Variants in PDGFC observed in about 807,000 individuals in gnomAD.
The protein encoded by PDGFC is platelet-derived growth factor C.
In PDGFC, 12 loss-of-function variants were observed where a neutral mutation model predicts 35.5. That is an observed-to-expected ratio of 0.34 (90% CI 0.22 to 0.55). PDGFC has a LOEUF of 0.55. Ranked by LOEUF, PDGFC falls within the 20% of genes least tolerant of loss-of-function variation. PDGFC has a pLI of 0.91. For missense variants in PDGFC, 322 were observed against 412.4 expected, an observed-to-expected ratio of 0.78 and a Z score of 1.90; for synonymous variants, 159 against 148.8, an observed-to-expected ratio of 1.07 and a Z score of -0.50.
chr4:156,873,811 T>C (rs1377218286), intron 1 of PDGFC: 1 of 152,222 alleles, frequency 6.6e-6, no homozygotes, highest in African/African-American at 2.4e-5. Context: ...GCTGGAAGAA[T>C]TGAATTGACA....
At chr4:156,790,240 A>G (rs1731257556) in intron 3 of PDGFC, among the ~76,000 whole-genome samples, 1 of 152,236 alleles carries the variant, frequency 6.6e-6, no homozygotes, top group Admixed American at 6.5e-5. Flanking sequence ...GTATCTTAAA[A>G]CATAATAAGC....
intron 1 of PDGFC, among the ~76,000 whole-genome samples, chr4:156,964,899 T>C (rs918097072): frequency 6.6e-6 from 1 of 152,142 alleles, no homozygotes; most frequent in Non-Finnish European, 1.5e-5. Flanking sequence ...AGGTAAAATA[T>C]AGAAAGTACA....
chr4:156,853,438 G>A (rs1047346075), intron 1 of PDGFC, among the ~76,000 whole-genome samples: 3 of 152,126 alleles, frequency 2.0e-5, no homozygotes, highest in African/African-American at 7.2e-5. Context: ...ATAACTGAAT[G>A]CTACCAATCT....
chr4:156,884,174 C>T (rs1013564028), intron 1 of PDGFC, among the ~76,000 whole-genome samples: 2 of 152,156 alleles, frequency 1.3e-5, no homozygotes, highest in Non-Finnish European at 2.9e-5. Flanking sequence ...GAGTTGGTGC[C>T]TTCTTTTCCT....
intron 3 of PDGFC, among the ~76,000 whole-genome samples, chr4:156,803,617 C>T (rs1235367336): frequency 6.6e-6 from 1 of 152,018 alleles, no homozygotes; most frequent in Admixed American, 6.6e-5. Context: ...GAAGTGCCTG[C>T]CTACAAAGGG....
intron 1 of PDGFC, among the ~76,000 whole-genome samples, chr4:156,942,621 A>T (rs1045521902): frequency 2.0e-5 from 3 of 150,768 alleles, no homozygotes; most frequent in Admixed American, 2.0e-4. Flanking sequence ...CAAATCACCA[A>T]GACCTAAAAC....
intron 1 of PDGFC, among the ~76,000 whole-genome samples, chr4:156,871,729 A>G (rs916018740): frequency 2.0e-5 from 3 of 152,118 alleles, no homozygotes; most frequent in Admixed American, 2.0e-4. Flanking sequence ...ATTAAAAACT[A>G]TTTTAAAAAC....
At chr4:156,786,029 C>CG (rs1731115396) in intron 3 of PDGFC, among the ~76,000 whole-genome samples, 1 of 152,066 alleles carries the variant, frequency 6.6e-6, no homozygotes, top group Non-Finnish European at 1.5e-5. Flanking sequence ...ATTTCAGATA[C>CG]GGTACTGTGA....
chr4:156,828,844 A>C (rs1298081814), intron 2 of PDGFC, among the ~76,000 whole-genome samples: 1 of 152,142 alleles, frequency 6.6e-6, no homozygotes, highest in African/African-American at 2.4e-5. Context: ...AAACAACATA[A>C]AAATATCCAA....
rs765407120 is a variant in PDGFC, at chr4:156,850,327, T to C, written c.208A>G (p.Asn70Asp). ...ACTAATCTCCATACCAAGACCGTAT[T>C]TCTTGGATAAGTATGAGGAAACCTT... is the stretch of plus-strand genomic sequence containing the variant. Reference protein sequence around the residue: ...SPRFPHTYPRNTVLVWRLVAV... With the variant: ...SPRFPHTYPRDTVLVWRLVAV... The change falls in exon 2 of 6, where the codon AAT (asparagine) becomes GAT (aspartate). Residue 70 changes from asparagine to aspartate, a missense_variant. Physicochemically the swap from Asn to Asp is conservative, Grantham distance 23. Around this residue, in one of 2 missense-constraint regions of PDGFC, gnomAD observed 120 missense variants for 116.6 expected, o/e 1.03. Transcript: ENST00000502773. 1.3e-5 allele frequency: 21 copies of C among 1,604,458 alleles called. No individual in the cohort carries two copies. The highest frequency in any genetic ancestry group is 1.7e-5 in the Non-Finnish European group (20 of 1,172,004).
intron 1 of PDGFC, among the ~76,000 whole-genome samples, chr4:156,873,168 T>G (rs1193690966): frequency 6.6e-6 from 1 of 152,172 alleles, no homozygotes; most frequent in African/African-American, 2.4e-5. Context: ...TAATTCTAAA[T>G]GTATAATGAG....
chr4:156,889,341 A>G (rs1730449535), intron 1 of PDGFC, among the ~76,000 whole-genome samples: 1 of 152,210 alleles, frequency 6.6e-6, no homozygotes, highest in Non-Finnish European at 1.5e-5. Context: ...ACTTTCTAGG[A>G]TACATACAAA....
chr4:156,836,146 G>A (rs1484824253), intron 2 of PDGFC: 5 of 152,182 alleles, frequency 3.3e-5, no homozygotes, highest in Non-Finnish European at 7.3e-5. Context: ...TTACCCCACA[G>A]GAGCAGGAAC....
intron 1 of PDGFC, among the ~76,000 whole-genome samples, chr4:156,934,003 GAACT>G (rs879336084): frequency 3.3e-5 from 5 of 152,148 alleles, no homozygotes; most frequent in Non-Finnish European, 7.4e-5. Flanking sequence ...GTGTGAAAAT[GAACT>G]AACACATGAC....
chr4:156,843,560 G>A (rs62331499), intron 2 of PDGFC, among the ~76,000 whole-genome samples: 7 of 152,098 alleles, frequency 4.6e-5, no homozygotes, highest in Non-Finnish European at 1.0e-4. Flanking sequence ...CCACAACACC[G>A]GGCAACTGTT....
chr4:156,867,598 G>T (rs1483467124), intron 1 of PDGFC, among the ~76,000 whole-genome samples: 3 of 152,122 alleles, frequency 2.0e-5, no homozygotes, highest in African/African-American at 7.2e-5. Context: ...ACACCCTGTT[G>T]TTACCTTAAG....
At chr4:156,765,006 G>C (rs1730482133) in intron 5 of PDGFC, among the ~76,000 whole-genome samples, 2 of 152,194 alleles carry the variant, frequency 1.3e-5, no homozygotes, top group South Asian at 4.1e-4. Flanking sequence ...AGTCAGGCCA[G>C]GCTGCAATCC....
chr4:156,905,150 G>C (rs1466128427), intron 1 of PDGFC, among the ~76,000 whole-genome samples: 1 of 152,060 alleles, frequency 6.6e-6, no homozygotes, highest in Non-Finnish European at 1.5e-5. Flanking sequence ...TCTTGAGATA[G>C]GCTTAGATTG....
intron 1 of PDGFC, among the ~76,000 whole-genome samples, chr4:156,934,861 T>C (rs1220833008): frequency 2.0e-5 from 3 of 152,202 alleles, no homozygotes; most frequent in Non-Finnish European, 4.4e-5. Context: ...CACCTCTATA[T>C]TTTATCCCAC....
Sources: gnomAD v4.1 joint callset for allele counts (sites outside exome capture counted in the v4.1 genomes callset) on GRCh38, gnomAD v4.1.1 for gene constraint, gnomAD v4.1.1 regional missense constraint, MANE v1.5 for transcripts, NCBI Gene and HGNC (gene_info 2026-07-23, HGNC 2026-07-21) for gene names.